NEK11: variants seen among roughly 807,000 people sequenced by gnomAD.
The protein encoded by NEK11 is NIMA related kinase 11.
Under a neutral mutation model 80.7 loss-of-function variants are expected in NEK11, and 72 were observed. The observed-to-expected ratio is 0.89, with a 90% CI of 0.74 to 1.08. The LOEUF is 1.08. Ranked by LOEUF, NEK11 falls within the 50% of genes least tolerant of loss-of-function variation. The pLI, the probability that NEK11 is intolerant of heterozygous loss-of-function variation, is 0.00. For synonymous variants in NEK11, 251 were observed against 260.7 expected (o/e 0.96, Z 0.36); for missense variants, 764 against 763.6 (o/e 1.00, Z -0.01).
intron 17 of NEK11, among the ~76,000 whole-genome samples, chr3:131,337,044 G>C (rs2097197259): frequency 6.6e-6 from 1 of 152,256 alleles, no homozygotes; most frequent in South Asian, 2.1e-4. Flanking sequence ...AACCATTGTG[G>C]AAGTCAGTGT....
At chr3:131,217,787 T>C (rs1337200186) in intron 14 of NEK11, among the ~76,000 whole-genome samples, 1 of 152,218 alleles carries the variant, frequency 6.6e-6, no homozygotes, top group Admixed American at 6.5e-5. Flanking sequence ...AAATACAATT[T>C]CTTAAAAAAA....
chr3:131,348,352 C>T (rs923500075), intron 17 of NEK11, among the ~76,000 whole-genome samples: 53 of 152,082 alleles, frequency 3.5e-4, no homozygotes, highest in African/African-American at 1.2e-3. Flanking sequence ...CCATTAAAAA[C>T]GACAACCGTG....
intron 17 of NEK11, among the ~76,000 whole-genome samples, chr3:131,324,651 A>G (rs1314079715): frequency 6.6e-6 from 1 of 152,210 alleles, no homozygotes; most frequent in South Asian, 2.1e-4. Flanking sequence ...CAAGTGGGCT[A>G]TGTTTCATGG....
chr3:131,231,069 T>G (rs1016026075), intron 15 of NEK11, among the ~76,000 whole-genome samples: 2 of 152,180 alleles, frequency 1.3e-5, no homozygotes, highest in East Asian at 1.9e-4. Flanking sequence ...AACCTCTTTT[T>G]CTTTATAAAT....
In NEK11 at chr3:131,162,494, T is replaced by G. The variant is rs765402552; in HGVS notation, c.1049T>G (p.Leu350Arg). 2 of 1,614,106 alleles carry G rather than the reference T, an allele frequency of 1.2e-6. No homozygotes were observed. The highest frequency in any genetic ancestry group is 1.1e-5 in the South Asian group (1 of 91,076). Residue 350 changes from leucine to arginine, a missense_variant, in exon 11 of 18, where the codon CTC (leucine) becomes CGC (arginine). Transcript: ENST00000383366. ...TPRERMRLRK[L>R]QAADEKARKL... is the part of the protein sequence containing the mutation. ...AGAGAAAGGATGCGGCTGAGGAAGC[T>G]CCAGGCGGCTGATGAGAAAGCCAGG...
At chr3:131,130,202 T>C (rs1235161471) in intron 5 of NEK11, among the ~76,000 whole-genome samples, 2 of 152,242 alleles carry the variant, frequency 1.3e-5, no homozygotes, top group Non-Finnish European at 2.9e-5. Context: ...CTAATGTAAA[T>C]ATAGTTTGAT....
chr3:131,045,362 A>T (rs1158419726), intron 3 of NEK11, among the ~76,000 whole-genome samples: 1 of 152,078 alleles, frequency 6.6e-6, no homozygotes, highest in East Asian at 1.9e-4. Context: ...TCACTATTAT[A>T]CTTCAAATAA....
At chr3:131,267,116 T>C (rs776661252) in intron 16 of NEK11, among the ~76,000 whole-genome samples, 2 of 152,228 alleles carry the variant, frequency 1.3e-5, no homozygotes, top group Non-Finnish European at 2.9e-5. Context: ...GAATACAGCA[T>C]ACTGATGAGT....
At chr3:131,114,747 A>G (rs980113635) in intron 5 of NEK11, among the ~76,000 whole-genome samples, 1 of 152,238 alleles carries the variant, frequency 6.6e-6, no homozygotes, top group Non-Finnish European at 1.5e-5. Flanking sequence ...TGTTTCACTC[A>G]GCTTTAGACT....
At chr3:131,118,427 A>G (rs2081703489) in intron 5 of NEK11, among the ~76,000 whole-genome samples, 2 of 152,116 alleles carry the variant, frequency 1.3e-5, no homozygotes, top group Non-Finnish European at 1.5e-5. Context: ...ATATTGGTCT[A>G]AAATTCTCTT....
intron 15 of NEK11, among the ~76,000 whole-genome samples, chr3:131,238,274 TCTGAGTGGCCA>T (rs1262705004): frequency 2.0e-5 from 3 of 152,182 alleles, no homozygotes; most frequent in African/African-American, 7.2e-5. Flanking sequence ...TTTATTGCCG[TCTGAGTGGCCA>T]CTATTGCTTA....
intron 4 of NEK11, among the ~76,000 whole-genome samples, chr3:131,097,729 G>T (rs1220146874): frequency 6.7e-6 from 1 of 150,006 alleles, no homozygotes; most frequent in Admixed American, 6.7e-5. Context: ...TGGCCATACT[G>T]CCCAAGGTAA....
chr3:131,259,037 A>T (rs943894325), intron 16 of NEK11, among the ~76,000 whole-genome samples: 10 of 152,128 alleles, frequency 6.6e-5, no homozygotes, highest in African/African-American at 2.4e-4. Flanking sequence ...GCCATAGAAG[A>T]TAGGATTCTT....
At chr3:131,076,919 C>A (rs897451347) in intron 3 of NEK11, among the ~76,000 whole-genome samples, 2 of 152,242 alleles carry the variant, frequency 1.3e-5, no homozygotes, top group Admixed American at 6.5e-5. Context: ...GCAGTGTATG[C>A]TGCTGGTTGA....
chr3:131,273,594 C>T lies in NEK11; in HGVS notation c.1718+20C>T. The T allele has an allele frequency of 1.9e-6, 3 of 1,572,422 alleles. No individual in the cohort carries two copies. The highest frequency in any genetic ancestry group is 1.8e-6 in the Non-Finnish European group (2 of 1,142,772). On this transcript the variant is annotated intron_variant, in intron 17 of 17. Transcript: ENST00000383366. ...GAGGGAGTAAGTAGCATGTTGCCTG[C>T]CCCCTAGGAAGGTGCAGTGTTAAAG...
chr3:131,251,858 A>G (rs2095710127), intron 16 of NEK11, among the ~76,000 whole-genome samples: 1 of 152,122 alleles, frequency 6.6e-6, no homozygotes, highest in Non-Finnish European at 1.5e-5. Context: ...GATTATGGCT[A>G]CAGACATTGA....
intron 5 of NEK11, among the ~76,000 whole-genome samples, chr3:131,131,964 A>G (rs2084571769): frequency 6.6e-6 from 1 of 151,984 alleles, no homozygotes; most frequent in African/African-American, 2.4e-5. Flanking sequence ...CATTGTTTAG[A>G]AGTGTGTGGT....
chr3:131,209,147 C>T (rs560680342), intron 14 of NEK11, among the ~76,000 whole-genome samples: 2 of 152,274 alleles, frequency 1.3e-5, no homozygotes, highest in African/African-American at 2.4e-5. Context: ...CCATCAATAC[C>T]TAGCTTATTG....
At chr3:131,203,259 ATGAGTT>A (rs1312645206) in intron 14 of NEK11, among the ~76,000 whole-genome samples, 1 of 152,082 alleles carries the variant, frequency 6.6e-6, no homozygotes, top group African/African-American at 2.4e-5. Context: ...ATAAAAAATG[ATGAGTT>A]CATGTCCTTT....
Sources: allele counts gnomAD v4.1 joint callset (sites outside exome capture counted in the v4.1 genomes callset), GRCh38; gene constraint gnomAD v4.1.1; transcripts MANE v1.5; gene names NCBI Gene and HGNC (gene_info 2026-07-23, HGNC 2026-07-21).